GSN: variants seen among roughly 807,000 people sequenced by gnomAD.
The protein encoded by GSN is gelsolin, also known as actin-depolymerizing factor.
A neutral mutation model predicts 85.7 loss-of-function variants in GSN; 56 were observed. The ratio of observed to expected loss-of-function variants is 0.65; its 90% confidence interval spans 0.53 to 0.82. GSN has a LOEUF of 0.82. GSN is among the 40% of genes least tolerant of loss of function. GSN has a pLI of 0.00. For synonymous variants in GSN, 373 were observed against 399.1 expected (o/e 0.93, Z 0.78); for missense variants, 857 against 979.8 (o/e 0.87, Z 1.67).
intron 1 of GSN, among the ~76,000 whole-genome samples, chr9:121,270,176 G>T (rs2055723230): frequency 6.6e-6 from 1 of 152,082 alleles, no homozygotes; most frequent in South Asian, 2.1e-4. Flanking sequence ...AGCCATCCAT[G>T]TGGCTAGAGT....
intron 2 of GSN, among the ~76,000 whole-genome samples, chr9:121,297,520 C>A (rs759797372): frequency 6.6e-6 from 1 of 152,184 alleles, no homozygotes; most frequent in Non-Finnish European, 1.5e-5. Flanking sequence ...TTCCAGCAAA[C>A]GGCCTTAACA....
intron 6 of GSN, among the ~76,000 whole-genome samples, chr9:121,251,187 C>CTTGTTTTTTTTTTTTTTTTTTT (rs2054825141): frequency 2.7e-5 from 2 of 73,042 alleles, no homozygotes; most frequent in East Asian, 4.3e-4. Context: ...CTGATGTGTT[C>CTTGTTTTTTTTTTTTTTTTTTT]TTTTTTTTTT....
At chr9:121,327,225 C>T in intron 13 of GSN, 83 bp from the exon 14 acceptor site, 1 of 1,113,988 alleles carries the variant, frequency 9.0e-7, no homozygotes, top group East Asian at 2.4e-5. Flanking sequence ...AGAGCTAGTC[C>T]TGCTGCGGGG....
chr9:121,292,671 T>C (rs2132937375), intron 2 of GSN, among the ~76,000 whole-genome samples: 1 of 152,306 alleles, frequency 6.6e-6, no homozygotes, highest in South Asian at 2.1e-4. Context: ...GTGGTAGGGA[T>C]TTGGGCTCTG....
chr9:121,249,260 A>G (rs1350353680), intron 6 of GSN, among the ~76,000 whole-genome samples: 3 of 151,948 alleles, frequency 2.0e-5, no homozygotes, highest in African/African-American at 7.3e-5. Flanking sequence ...GGAGTTTGAG[A>G]CCAACCTGAG....
At position 121,326,560 on chromosome 9, in the gene GSN, G is replaced by C. The variant is rs146125870; in HGVS notation, c.1465G>C (p.Gly489Arg). ...KEPAHLMSLF[G>R]GKPMIIYKGG... ...GCCCGCCCACCTCATGAGCCTGTTT[G>C]GTGGGAAGCCCATGATCATCTACAA... Residue 489 changes from glycine (G) to arginine (R), a missense_variant, in exon 13 of 18, where the codon GGT becomes CGT. Coordinates refer to ENST00000432226, the MANE Select transcript of GSN (RefSeq NM_198252.3). 1.2e-6 allele frequency: 2 copies of C among 1,613,928 alleles called. No individual in the cohort carries two copies. Among genetic ancestry groups the C allele is most frequent in the African/African-American group, 2.7e-5 (2 of 74,940 alleles).
chr9:121,286,131 C>T, intron 2 of GSN: 1 of 1,535,556 alleles, frequency 6.5e-7, no homozygotes, highest in Non-Finnish European at 8.7e-7. Flanking sequence ...ACATAGCTCC[C>T]CCCAGCCTCG....
At chr9:121,265,479 C>T (rs1477303387), upstream of GSN, among the ~76,000 whole-genome samples, 1 of 152,158 alleles carries the variant, frequency 6.6e-6, no homozygotes, top group Non-Finnish European at 1.5e-5. Context: ...TCTAATAGTC[C>T]AGCTTTTTTC....
At position 121,302,016 on chromosome 9, in the gene GSN, T is replaced by C; in HGVS notation, c.45T>C (p.Pro15=). 6.2e-7 allele frequency: 1 copy of C among 1,614,242 alleles called. No homozygotes were observed. Among genetic ancestry groups the C allele is most frequent in the East Asian group, 2.2e-5 (1 of 44,888 alleles). The change falls in exon 3 of 18, where the codon CCT becomes CCC. Residue 15 remains proline, a synonymous_variant. Coordinates refer to ENST00000432226, the MANE Select transcript of GSN (RefSeq NM_198252.3). ...AGTTCCTCAAGGCAGGGAAGGAGCCTGGCCTGCAGATCTGGCGTGTGGAGA... is the reference window on the plus strand; with the variant it reads ...AGTTCCTCAAGGCAGGGAAGGAGCCCGGCCTGCAGATCTGGCGTGTGGAGA... The part of the protein sequence containing the change: ...HPEFLKAGKE[P]GLQIWRVEKF...
intron 17 of GSN, chr9:121,331,931 C>T (rs1002697415): frequency 3.9e-5 from 8 of 205,536 alleles, no homozygotes; most frequent in Non-Finnish European, 7.0e-5. Flanking sequence ...TGGTGTACAC[C>T]CGTGGTCCCA....
chr9:121,206,087 G>A (rs896364185), upstream of GSN, among the ~76,000 whole-genome samples: 1 of 151,838 alleles, frequency 6.6e-6, no homozygotes, highest in East Asian at 1.9e-4. Flanking sequence ...TCCTGAAGCA[G>A]TATTGAAGAT....
At chr9:121,325,057 G>T (rs528377442) in intron 12 of GSN, among the ~76,000 whole-genome samples, 7 of 152,268 alleles carry the variant, frequency 4.6e-5, no homozygotes, top group African/African-American at 1.7e-4. Flanking sequence ...CTCACCTCTG[G>T]GCAACGTTGG....
chr9:121,256,706 C>T (rs1259601958), intron 6 of GSN, among the ~76,000 whole-genome samples: 6 of 151,874 alleles, frequency 4.0e-5, no homozygotes, highest in African/African-American at 1.5e-4. Context: ...GGTGAAACCC[C>T]ATCTCTACTA....
chr9:121,326,922 T>C (rs2063270860), intron 13 of GSN: 1 of 694,206 alleles, frequency 1.4e-6, no homozygotes, highest in African/African-American at 1.8e-5. Flanking sequence ...CCTACCATTC[T>C]GTACAATCAG....
At chr9:121,251,856 G>A (rs922500749) in intron 6 of GSN, among the ~76,000 whole-genome samples, 34 of 152,096 alleles carry the variant, frequency 2.2e-4, no homozygotes, top group African/African-American at 8.2e-4. Context: ...AGCTACTCAG[G>A]AGGCTGAGGC....
chr9:121,276,563 A>C (rs1337368710), intron 1 of GSN, among the ~76,000 whole-genome samples: 1 of 152,162 alleles, frequency 6.6e-6, no homozygotes, highest in Non-Finnish European at 1.5e-5. Flanking sequence ...CCTCATCTCA[A>C]AACTTTCCAA....
At chr9:121,254,010 A>T (rs1441456939) in intron 6 of GSN, among the ~76,000 whole-genome samples, 1 of 152,034 alleles carries the variant, frequency 6.6e-6, no homozygotes, top group Non-Finnish European at 1.5e-5. Flanking sequence ...GGCTTCCTCA[A>T]TAGTACTTCC....
intron 6 of GSN, among the ~76,000 whole-genome samples, chr9:121,249,315 T>A (rs1437104265): frequency 1.3e-5 from 2 of 151,978 alleles, no homozygotes; most frequent in Admixed American, 6.6e-5. Context: ...AATTTTTTTT[T>A]AAATACAAAA....
At chr9:121,322,942 G>A (rs190226736) in intron 11 of GSN, among the ~76,000 whole-genome samples, 29 of 150,470 alleles carry the variant, frequency 1.9e-4, no homozygotes, top group Middle Eastern at 6.8e-3. Flanking sequence ...AGCAATTATC[G>A]TGCCTCAGCC....
Sources: gnomAD v4.1 joint callset for allele counts (sites outside exome capture counted in the v4.1 genomes callset) on GRCh38, gnomAD v4.1.1 for gene constraint, MANE v1.5 for transcripts, NCBI Gene and HGNC (gene_info 2026-07-23, HGNC 2026-07-21) for gene names.